The following PRKCA variants were observed in gnomAD, a reference collection of about 807,000 sequenced individuals.
PRKCA encodes protein kinase C alpha.
Under a neutral mutation model 87.0 loss-of-function variants are expected in PRKCA, and 27 were observed. The ratio of observed to expected loss-of-function variants is 0.31; its 90% confidence interval spans 0.23 to 0.43. The LOEUF (loss-of-function observed/expected upper bound fraction) is 0.43. Ranked by LOEUF, PRKCA falls within the 20% of genes least tolerant of loss-of-function variation. The pLI, the probability that PRKCA is intolerant of heterozygous loss-of-function variation, is 1.00. For synonymous variants in PRKCA, 329 were observed against 311.1 expected (o/e 1.06, Z -0.61); for missense variants, 518 against 852.3 (o/e 0.61, Z 4.88).
chr17:66,611,621 A>G (rs898044503), intron 3 of PRKCA, among the ~76,000 whole-genome samples: 1 of 152,250 alleles, frequency 6.6e-6, no homozygotes, highest in Non-Finnish European at 1.5e-5. Flanking sequence ...CATTTTGGCT[A>G]TTGTGAATAA....
At chr17:66,673,959 G>A (rs1355688392) in intron 5 of PRKCA, among the ~76,000 whole-genome samples, 1 of 152,158 alleles carries the variant, frequency 6.6e-6, no homozygotes, top group African/African-American at 2.4e-5. Flanking sequence ...TTCTTCGCCC[G>A]TGAAAAGGCC....
At chr17:66,781,088 G>A (rs944279230) in intron 14 of PRKCA, among the ~76,000 whole-genome samples, 1 of 152,136 alleles carries the variant, frequency 6.6e-6, no homozygotes, top group Non-Finnish European at 1.5e-5. Context: ...CAGCGAGTGA[G>A]ACTCCATCTC....
intron 3 of PRKCA, 78 bp from the exon 4 acceptor site, chr17:66,641,277 T>C: frequency 1.0e-6 from 1 of 953,352 alleles, no homozygotes; most frequent in East Asian, 2.5e-5. Context: ...TGGGGAGTGG[T>C]GGGGCCTGAG....
intron 2 of PRKCA, among the ~76,000 whole-genome samples, chr17:66,462,659 A>T (rs1315985039): frequency 6.6e-6 from 1 of 152,168 alleles, no homozygotes; most frequent in African/African-American, 2.4e-5. Flanking sequence ...GTAAGCCATG[A>T]TATAGGTCTT....
chr17:66,534,491 C>A (rs112255835), intron 3 of PRKCA, among the ~76,000 whole-genome samples: 4,177 of 152,100 alleles, frequency 0.027, 173 homozygotes, highest in African/African-American at 0.095. Flanking sequence ...CATGGTGAAA[C>A]CCCATCTCTA....
intron 3 of PRKCA, among the ~76,000 whole-genome samples, chr17:66,571,581 GA>G (rs202134303): frequency 9.2e-5 from 14 of 152,142 alleles, no homozygotes; most frequent in South Asian, 8.3e-4. Context: ...CTGAAAGAGG[GA>G]AAAAAACCCC....
chr17:66,556,834 A>G (rs1339163467), intron 3 of PRKCA, among the ~76,000 whole-genome samples: 2 of 152,170 alleles, frequency 1.3e-5, no homozygotes, highest in Admixed American at 6.5e-5. Context: ...CTGTGAGTCA[A>G]TTAAATCTCT....
chr17:66,646,998 C>T (rs1971474461), intron 5 of PRKCA, among the ~76,000 whole-genome samples: 1 of 152,160 alleles, frequency 6.6e-6, no homozygotes, highest in South Asian at 2.1e-4. Context: ...GTGATTGTCA[C>T]CTGCATTTCT....
At chr17:66,614,431 ACTTT>A (rs1388147146) in intron 3 of PRKCA, among the ~76,000 whole-genome samples, 2 of 152,200 alleles carry the variant, frequency 1.3e-5, no homozygotes, top group Non-Finnish European at 2.9e-5. Context: ...CTGTGAAGTT[ACTTT>A]CTATTTATTC....
chr17:66,357,718 A>G (rs1020491367), intron 2 of PRKCA, among the ~76,000 whole-genome samples: 2 of 152,196 alleles, frequency 1.3e-5, no homozygotes, highest in Non-Finnish European at 2.9e-5. Flanking sequence ...TGTGTGATTC[A>G]TGGTGTATGT....
chr17:66,798,516 TGAC>T (rs1254567028), intron 16 of PRKCA, among the ~76,000 whole-genome samples: 2 of 32,086 alleles, frequency 6.2e-5, no homozygotes, highest in African/African-American at 1.7e-4. Flanking sequence ...GTGACGGTGG[TGAC>T]GGTGGTGGTG....
chr17:66,739,003 C>T (rs2144225229), intron 11 of PRKCA, 148 bp downstream of exon 11: 3 of 635,106 alleles, frequency 4.7e-6, no homozygotes, highest in Non-Finnish European at 8.4e-6. Context: ...CCACCTCAGC[C>T]TCCTGAGTAG....
intron 2 of PRKCA, among the ~76,000 whole-genome samples, chr17:66,428,597 G>A (rs920325055): frequency 5.9e-5 from 9 of 151,334 alleles, no homozygotes; most frequent in Admixed American, 2.6e-4. Flanking sequence ...TTCACCTCCT[G>A]GGTTTAAGCA....
chr17:66,764,918 C>T, intron 13 of PRKCA, among the ~76,000 whole-genome samples: 1 of 152,186 alleles, frequency 6.6e-6, no homozygotes, highest in Non-Finnish European at 1.5e-5. Context: ...TCCATGGTCT[C>T]TGAGCCTGGT....
rs762273431 is a variant in PRKCA, at chr17:66,803,998, C to T, written c.1980C>T (p.Asn660=). The T allele has an allele frequency of 6.6e-5, 106 of 1,613,710 alleles. No individual in the cohort carries two copies. The highest frequency in any genetic ancestry group is 1.0e-4 in the Admixed American group (6 of 59,978). The change falls in exon 17 of 17, where the codon AAC becomes AAT. Residue 660 remains asparagine, a synonymous_variant. Coordinates refer to ENST00000413366, the MANE Select transcript of PRKCA (RefSeq NM_002737.3). The surrounding 1 kb of genome is among the most constrained non-coding windows in gnomAD (Gnocchi z 4.4). ...QSDFEGFSYV[N]PQFVHPILQS... is the part of the protein sequence containing the mutation. ...ATTTTGAAGGGTTCTCGTATGTCAA[C>T]CCCCAGTTTGTGCACCCCATCTTAC... is the stretch of plus-strand genomic sequence containing the variant.
chr17:66,724,514 C>T (rs1480325404), intron 8 of PRKCA, among the ~76,000 whole-genome samples: 1 of 152,158 alleles, frequency 6.6e-6, no homozygotes, highest in Non-Finnish European at 1.5e-5. Context: ...TCAGCAGGAG[C>T]GTTTCTAATG....
At chr17:66,802,361 A>G (rs1487358679) in intron 16 of PRKCA, among the ~76,000 whole-genome samples, 1 of 152,090 alleles carries the variant, frequency 6.6e-6, no homozygotes, top group Non-Finnish European at 1.5e-5. Flanking sequence ...GGAAAAGGGT[A>G]ATGAAAGTAG....
intron 2 of PRKCA, among the ~76,000 whole-genome samples, chr17:66,477,568 C>T (rs1055261372): frequency 6.6e-5 from 10 of 152,040 alleles, no homozygotes; most frequent in Non-Finnish European, 1.2e-4. Flanking sequence ...AGCGTGGTGG[C>T]GGGCACCTGT....
At chr17:66,451,384 A>ATTTG (rs1204601349) in intron 2 of PRKCA, among the ~76,000 whole-genome samples, 1 of 150,314 alleles carries the variant, frequency 6.7e-6, no homozygotes, top group East Asian at 1.9e-4. Flanking sequence ...TTATTTATTT[A>ATTTG]TTACCTAAAA....
Sources: allele counts gnomAD v4.1 joint callset (sites outside exome capture counted in the v4.1 genomes callset), GRCh38; gene constraint gnomAD v4.1.1; non-coding constraint Gnocchi (gnomAD v3.1); transcripts MANE v1.5; gene names NCBI Gene and HGNC (gene_info 2026-07-23, HGNC 2026-07-21).